BAG6: variants seen among roughly 807,000 people sequenced by gnomAD.
The protein encoded by BAG6 is large proline-rich protein BAG6.
In BAG6, 22 loss-of-function variants were observed where a neutral mutation model predicts 121.0. That is an observed-to-expected ratio of 0.18 (90% CI 0.13 to 0.26). BAG6 has a LOEUF of 0.26. BAG6 is among the 10% of genes least tolerant of loss of function. BAG6 has a pLI of 1.00. For missense variants in BAG6, 1,233 were observed against 1,537.7 expected, an observed-to-expected ratio of 0.80 and a Z score of 3.31; for synonymous variants, 583 against 584.6, an observed-to-expected ratio of 1.00 and a Z score of 0.04.
Position 31,644,499 on chromosome 6 carries a change from G to C in BAG6, c.1447+26C>G, listed in dbSNP as rs1786694922. The C allele has an allele frequency of 1.3e-6, 2 of 1,599,238 alleles. No individual in the cohort carries two copies. The highest frequency in any genetic ancestry group is 8.5e-7 in the Non-Finnish European group (1 of 1,173,264). On this transcript the variant is annotated intron_variant, in intron 11 of 25. Coordinates refer to ENST00000676615, the MANE Select transcript of BAG6 (RefSeq NM_001387994.1). The surrounding 1 kb of genome is among the most constrained non-coding windows in gnomAD (Gnocchi z 4.9). ...CTTCCCTTTCTCTACCCAGAGCTCA[G>C]CCTGCCCTGATGCCCTCACTCTTAC...
chr6:31,652,355 A>ACACACACACCCC (rs1277723335), intron 1 of BAG6, 69 bp downstream of exon 1: 10 of 147,398 alleles, frequency 6.8e-5, no homozygotes, highest in African/African-American at 2.7e-4. Flanking sequence ...ACACACACAC[A>ACACACACACCCC]CACACCCACC....
intron 2 of BAG6, among the ~76,000 whole-genome samples, chr6:31,650,336 T>C (rs896547396): frequency 6.6e-6 from 1 of 151,898 alleles, no homozygotes; most frequent in Non-Finnish European, 1.5e-5. Flanking sequence ...GGGTCTGGTA[T>C]CAGGTTAATG....
intron 8 of BAG6, among the ~76,000 whole-genome samples, chr6:31,645,986 TTTG>T (rs1176505002): frequency 7.2e-5 from 11 of 152,278 alleles, no homozygotes; most frequent in Non-Finnish European, 1.3e-4. Context: ...TGTGTGTTTT[TTTG>T]TTTTGTTTTG....
intron 14 of BAG6, 144 bp downstream of exon 14, chr6:31,643,746 A>AAAAAAAAC (rs1785512420): frequency 1.8e-6 from 1 of 570,982 alleles, no homozygotes; most frequent in East Asian, 3.2e-5. Context: ...AAAAAAAAAA[A>AAAAAAAAC]GCTGAAACCT....
At chr6:31,646,596 C>A in intron 7 of BAG6, 73 bp from the exon 8 acceptor site, 1 of 1,561,500 alleles carries the variant, frequency 6.4e-7, no homozygotes, top group Non-Finnish European at 8.7e-7. Flanking sequence ...ACAGGGACCA[C>A]ATGTGCCCTC....
At chr6:31,648,775 G>C (rs1267551903) in intron 5 of BAG6, 24 bp from the exon 6 acceptor site, 8 of 1,613,592 alleles carry the variant, frequency 5.0e-6, no homozygotes, top group Non-Finnish European at 5.9e-6. Flanking sequence ...AGGTTTATCA[G>C]GGTAGGTTAC....
At chr6:31,639,680 T>C (rs1455862783) in intron 24 of BAG6, 34 bp from the exon 25 acceptor site, 4 of 1,582,986 alleles carry the variant, frequency 2.5e-6, no homozygotes, top group Non-Finnish European at 3.4e-6. Flanking sequence ...GAAAAGAGGA[T>C]CAACGTCAGA....
intron 7 of BAG6, among the ~76,000 whole-genome samples, chr6:31,646,989 A>G (rs1425743525): frequency 6.6e-6 from 1 of 151,862 alleles, no homozygotes; most frequent in Non-Finnish European, 1.5e-5. Context: ...TAGCCAGGAT[A>G]GTCTCGATCT....
intron 7 of BAG6, 61 bp from the exon 8 acceptor site, chr6:31,646,584 C>A: frequency 6.3e-7 from 1 of 1,588,750 alleles, no homozygotes; most frequent in Non-Finnish European, 8.6e-7. Context: ...CCCTCACAGT[C>A]AACAGGGACC....
rs1798634309 is a variant in BAG6 at position 31,652,554 on chromosome 6, G to A, written c.-144C>T. On this transcript the variant is annotated 5_prime_UTR_variant, in exon 1 of 26. Transcript: ENST00000676615. Reference sequence around the variant, plus strand: ...GAGAAAGTCCGCAGCCCCAAACAGTGAGTTTCTGAGGGCGAGTCGGGCCGG... The same window carrying A: ...GAGAAAGTCCGCAGCCCCAAACAGTAAGTTTCTGAGGGCGAGTCGGGCCGG... 1 of 152,308 alleles carries A rather than the reference G, an allele frequency of 6.6e-6. No individual in the cohort carries two copies. The highest frequency in any genetic ancestry group is 2.4e-5 in the African/African-American group (1 of 41,460). 9.4% of individuals were successfully genotyped at this position (152,308 alleles called of 1,614,324 possible).
rs1029304305 is a variant in BAG6, at chr6:31,644,868, C to T, written c.1369+78G>A. ...CACCAGCATGTGCCTCTCCCTTCCC[C>T]ACCCTGTTCCCTCACACCTCAGCAT... On this transcript the variant is annotated intron_variant, in intron 10 of 25. Coordinates refer to ENST00000676615, the MANE Select transcript of BAG6 (RefSeq NM_001387994.1). The surrounding 1 kb of genome is among the most constrained non-coding windows in gnomAD (Gnocchi z 4.9). 6.5e-7 allele frequency: 1 copy of T among 1,532,116 alleles called. No individual in the cohort carries two copies. The highest frequency in any genetic ancestry group is 8.8e-7 in the Non-Finnish European group (1 of 1,140,262). The allele number at this position is 1,532,116 out of a possible 1,614,324, so 94.9% of individuals were successfully genotyped here. A position where few individuals can be genotyped will look rare whatever the true frequency, so the allele number is the denominator to read the frequency against.
chr6:31,639,446 A>G, intron 25 of BAG6, 54 bp downstream of exon 25: 2 of 1,576,006 alleles, frequency 1.3e-6, no homozygotes, highest in South Asian at 1.2e-5. Flanking sequence ...GGGAAGAGGG[A>G]CCCTAGCCCA....
In BAG6 at chr6:31,650,589, C is replaced by T. The variant is rs1795335812; in HGVS notation, c.109-962G>A. Among the ~76,000 whole-genome samples the T allele has an allele frequency of 2.0e-5, 3 of 151,062 alleles. 1 individual carries two copies. In the South Asian group the frequency reaches 6.2e-4, roughly 31 times the overall value. On this transcript the variant is annotated intron_variant, in intron 2 of 25. Transcript: ENST00000676615. ...CTGAGGCAGGAAAATTGCTTGAACC[C>T]AGGAGGCAGAGGTTGCAGTGAGCTG...
At position 31,639,180 on chromosome 6, in the gene BAG6, C is replaced by T; in HGVS notation, c.3440G>A (p.Ser1147Asn). ...CTGGGCATTGGGGAAGCGCTGGGGACTGTAGTTGGGGTCTTCCTGCAGTCG... is the reference window on the plus strand; with the variant it reads ...CTGGGCATTGGGGAAGCGCTGGGGATTGTAGTTGGGGTCTTCCTGCAGTCG... ...QKRLQEDPNYSPQRFPNAQRA... is the reference protein window; with the variant it reads ...QKRLQEDPNYNPQRFPNAQRA... The change falls in exon 26 of 26, where the codon AGT becomes AAT. Residue 1147 changes from serine (S) to asparagine (N), a missense_variant. Coordinates refer to ENST00000676615, the MANE Select transcript of BAG6 (RefSeq NM_001387994.1). 1 of 1,613,996 alleles carries T rather than the reference C, an allele frequency of 6.2e-7. No individual in the cohort carries two copies.
intron 14 of BAG6, among the ~76,000 whole-genome samples, 187 bp downstream of exon 14, chr6:31,643,701 AAC>A (rs1254982738): frequency 7.1e-6 from 1 of 141,158 alleles, no homozygotes; most frequent in East Asian, 2.2e-4. Flanking sequence ...CCAGCCTAGC[AAC>A]AGAGTGAGAC....
chr6:31,642,304 C>T lies in BAG6; in HGVS notation c.2143G>A (p.Ala715Thr), dbSNP rs1309660396. ...AGACCCAGGCCTCCAGGACTCCCTG[C>T]GCCACCAGAAGGGGAGCCTGGTGGG... Reference protein sequence around the residue: ...MPPPGSPSGGAGSPGGLGLES... With the variant: ...MPPPGSPSGGTGSPGGLGLES... The change falls in exon 16 of 26, where the codon GCA becomes ACA. Residue 715 changes from alanine to threonine, a missense_variant. Around this residue, in one of 7 missense-constraint regions of BAG6, gnomAD observed 288 missense variants for 483.1 expected, o/e 0.60. Coordinates refer to ENST00000676615, the MANE Select transcript of BAG6 (RefSeq NM_001387994.1). 15 of 1,578,588 alleles carry T rather than the reference C, an allele frequency of 9.5e-6. No homozygotes were observed. Among genetic ancestry groups the T allele is most frequent in the Non-Finnish European group, 1.3e-5 (15 of 1,163,144 alleles).
Position 31,640,090 on chromosome 6 carries a change from G to A in BAG6, c.3246+109C>T, listed in dbSNP as rs1049659330. ...GAAAAAGTTTCCTCATTAAACGAGG[G>A]GAGGGGAGACTGAATAACAAGAGCT... On this transcript the variant is annotated intron_variant, in intron 24 of 25. Coordinates refer to ENST00000676615, the MANE Select transcript of BAG6 (RefSeq NM_001387994.1). This position sits in a 1 kb window ranked among gnomAD's most constrained non-coding sequence, Gnocchi z 4.2. The A allele has an allele frequency of 2.1e-5, 23 of 1,112,296 alleles. No individual in the cohort carries two copies. In the African/African-American group the frequency reaches 3.3e-4, roughly 16 times the overall value. 68.9% of individuals were successfully genotyped at this position (1,112,296 alleles called of 1,614,324 possible).
At position 31,641,148 on chromosome 6, in the gene BAG6, C is replaced by G. The variant is rs775865901; in HGVS notation, c.2743G>C (p.Gly915Arg). 8.7e-6 allele frequency: 14 copies of G among 1,613,344 alleles called. No homozygotes were observed. Among genetic ancestry groups the G allele is most frequent in the Admixed American group, 3.3e-5 (2 of 60,010 alleles). Residue 915 changes from glycine (G) to arginine (R), a missense_variant, in exon 20 of 26, where the codon GGG (glycine) becomes CGG (arginine). This residue lies in a region of BAG6 where 288 missense variants were observed against 483.1 expected (regional missense o/e 0.60). Coordinates refer to ENST00000676615, the MANE Select transcript of BAG6 (RefSeq NM_001387994.1). This position sits in a 1 kb window ranked among gnomAD's most constrained non-coding sequence, Gnocchi z 5.7. ...ECLALNLHCL[G>R]GQQMELAAVI... ...GCAGCAAGCTCCATCTGCTGTCCCC[C>G]CAAGCAGTGCAGGTTTAGGGCCAGG...
At chr6:31,639,985 C>T (rs140488020) in intron 24 of BAG6, among the ~76,000 whole-genome samples, 2 of 152,270 alleles carry the variant, frequency 1.3e-5, no homozygotes, top group East Asian at 3.9e-4. Flanking sequence ...AGCTGAGCAA[C>T]TAATACAGGA....
Sources: allele counts gnomAD v4.1 joint callset (sites outside exome capture counted in the v4.1 genomes callset), GRCh38; gene constraint gnomAD v4.1.1; regional missense constraint gnomAD v4.1.1; non-coding constraint Gnocchi (gnomAD v3.1); transcripts MANE v1.5; gene names NCBI Gene and HGNC (gene_info 2026-07-23, HGNC 2026-07-21).